SPSB4: variants seen among roughly 807,000 people sequenced by gnomAD.
SPSB4 encodes splA/ryanodine receptor domain and SOCS box containing 4, also known as SPRY domain-containing SOCS box protein 4.
SPSB4 carries 21 observed loss-of-function variants against 20.9 expected under a neutral mutation model. That is an observed-to-expected ratio of 1.01 (90% confidence interval 0.71 to 1.45). The LOEUF is 1.45. Ranked by LOEUF, SPSB4 falls within the 40% of genes most tolerant of loss-of-function variation. The pLI is 0.00. For missense variants in SPSB4, 399 were observed against 399.2 expected, an observed-to-expected ratio of 1.00 and a Z score of 0.00; for synonymous variants, 207 against 183.8, an observed-to-expected ratio of 1.13 and a Z score of -1.02.
At chr3:141,109,659 CT>C (rs1311809959) in intron 2 of SPSB4, among the ~76,000 whole-genome samples, 1 of 152,080 alleles carries the variant, frequency 6.6e-6, no homozygotes, top group Non-Finnish European at 1.5e-5. Context: ...TTCCCTTTCT[CT>C]CCCCTCTTCC....
At chr3:141,098,811 C>T (rs1375002591) in intron 2 of SPSB4, among the ~76,000 whole-genome samples, 1 of 152,118 alleles carries the variant, frequency 6.6e-6, no homozygotes, top group African/African-American at 2.4e-5. Context: ...TGTCTTAGTT[C>T]ATTTTCTGCT....
chr3:141,096,839 T>C (rs367736798), intron 2 of SPSB4, among the ~76,000 whole-genome samples: 2 of 152,316 alleles, frequency 1.3e-5, no homozygotes, highest in South Asian at 4.1e-4. Flanking sequence ...AAATTCACCA[T>C]ATGTCTCAAA....
rs143216641 is a variant in SPSB4, at chr3:141,136,173, C to T, written c.695-10969C>T. ...GAAGGGTCTGTTCATATCCTTTGCC[C>T]ACTTTTTGAAGGGTTTGTTTTTTTC... On this transcript the variant is annotated intron_variant, in intron 2 of 2. Coordinates refer to ENST00000310546, the MANE Select transcript of SPSB4 (RefSeq NM_080862.3). 5.2e-3 allele frequency among the ~76,000 whole-genome samples: 793 copies of T among 152,198 alleles called. 8 individuals carry two copies. Among genetic ancestry groups the T allele is most frequent in the African/African-American group, 0.018 (750 of 41,518 alleles).
At chr3:141,087,738 C>T (rs1472154439) in intron 2 of SPSB4, among the ~76,000 whole-genome samples, 1 of 152,152 alleles carries the variant, frequency 6.6e-6, no homozygotes, top group Non-Finnish European at 1.5e-5. Context: ...GCATTCCCCA[C>T]GTGCCCACCA....
rs73872045 is a variant in SPSB4 at position 141,090,901 on chromosome 3, A to C, written c.694+24103A>C. On this transcript the variant is annotated intron_variant, in intron 2 of 2. Coordinates refer to ENST00000310546, the MANE Select transcript of SPSB4 (RefSeq NM_080862.3). ...TGGTGGCTTGGCTCGGGATGGCAGCAGTGAAGATGGTGAGAAGTAGTTGGA... is the reference window on the plus strand; with the variant it reads ...TGGTGGCTTGGCTCGGGATGGCAGCCGTGAAGATGGTGAGAAGTAGTTGGA... 9.5e-3 allele frequency among the ~76,000 whole-genome samples: 1,454 copies of C among 152,338 alleles called. 21 individuals are homozygous for C. The highest frequency in any genetic ancestry group is 0.034 in the African/African-American group (1,405 of 41,584).
chr3:141,082,622 T>C (rs1324091332), intron 2 of SPSB4, among the ~76,000 whole-genome samples: 4 of 120,386 alleles, frequency 3.3e-5, no homozygotes, highest in Non-Finnish European at 5.0e-5. Context: ...CCAGGTGCTA[T>C]CTATCTATCT....
chr3:141,122,294 C>T (rs536783569), intron 2 of SPSB4, among the ~76,000 whole-genome samples: 2 of 152,250 alleles, frequency 1.3e-5, no homozygotes, highest in African/African-American at 2.4e-5. Context: ...CTGGGAGCTT[C>T]GTCCCAGAGG....
chr3:141,136,533 G>C (rs1338429388), intron 2 of SPSB4, among the ~76,000 whole-genome samples: 1 of 152,194 alleles, frequency 6.6e-6, no homozygotes, highest in African/African-American at 2.4e-5. Context: ...GCAAGGAAGG[G>C]ATCCAGTTTC....
chr3:141,052,566 G>T (rs1936112759), intron 1 of SPSB4, among the ~76,000 whole-genome samples: 1 of 152,142 alleles, frequency 6.6e-6, no homozygotes, highest in South Asian at 2.1e-4. Flanking sequence ...GGGTCTGTTC[G>T]TCCGGGGTAT....
chr3:141,053,731 C>T (rs1180028224), intron 1 of SPSB4, among the ~76,000 whole-genome samples: 1 of 151,192 alleles, frequency 6.6e-6, no homozygotes, highest in East Asian at 1.9e-4. Flanking sequence ...GTTAAAATTA[C>T]AAGATTTTTT....
intron 2 of SPSB4, among the ~76,000 whole-genome samples, chr3:141,106,217 C>T (rs548898293): frequency 6.6e-6 from 1 of 152,294 alleles, no homozygotes; most frequent in African/African-American, 2.4e-5. Context: ...CTTTATTGTC[C>T]TCCTATGTTG....
At chr3:141,106,494 A>G (rs1428560155) in intron 2 of SPSB4, among the ~76,000 whole-genome samples, 1 of 152,236 alleles carries the variant, frequency 6.6e-6, no homozygotes, top group East Asian at 1.9e-4. Context: ...TAGGGTATCC[A>G]TCAGGAATTA....
At chr3:141,082,763 G>A (rs1038102825) in intron 2 of SPSB4, among the ~76,000 whole-genome samples, 1 of 152,188 alleles carries the variant, frequency 6.6e-6, no homozygotes, top group African/African-American at 2.4e-5. Flanking sequence ...AGGTTTCAGG[G>A]CCAGAACTAG....
chr3:141,102,118 G>T (rs1938620646), intron 2 of SPSB4, among the ~76,000 whole-genome samples: 1 of 152,232 alleles, frequency 6.6e-6, no homozygotes, highest in African/African-American at 2.4e-5. Flanking sequence ...AAGCAATAAA[G>T]GTGTATCCAG....
intron 2 of SPSB4, among the ~76,000 whole-genome samples, chr3:141,114,044 C>T (rs1938847422): frequency 6.6e-6 from 1 of 152,190 alleles, no homozygotes; most frequent in Admixed American, 6.5e-5. Context: ...GTTAAGATCA[C>T]ACCACTGCAC....
rs945277702 is a variant in SPSB4, at chr3:141,066,389, C to G, written c.285C>G (p.Arg95=). ...DGIRGKVGHA[R]GLHAWQINWP... The stretch of plus-strand genomic sequence containing the variant: ...TCCGCGGCAAGGTGGGCCACGCCCG[C>G]GGCCTGCACGCCTGGCAGATCAACT... The change falls in exon 2 of 3, where the codon CGC becomes CGG. Residue 95 remains arginine, a synonymous_variant. Coordinates refer to ENST00000310546, the MANE Select transcript of SPSB4 (RefSeq NM_080862.3). The G allele has an allele frequency of 3.9e-6, 6 of 1,542,422 alleles. No homozygotes were observed. The highest frequency in any genetic ancestry group is 5.2e-6 in the Non-Finnish European group (6 of 1,145,546).
At position 141,066,500 on chromosome 3, in the gene SPSB4, G is replaced by A. The variant is rs771003195; in HGVS notation, c.396G>A (p.Leu132=). The part of the protein sequence containing the change: ...APLHSVGYTA[L]VGSDAESWGW... ...TGCACTCCGTGGGCTACACGGCGCTGGTAGGCAGTGACGCCGAGTCGTGGG... is the reference window on the plus strand; with the variant it reads ...TGCACTCCGTGGGCTACACGGCGCTAGTAGGCAGTGACGCCGAGTCGTGGG... The change falls in exon 2 of 3, where the codon CTG becomes CTA. Residue 132 remains leucine (L), a synonymous_variant. Coordinates refer to ENST00000310546, the MANE Select transcript of SPSB4 (RefSeq NM_080862.3). The A allele has an allele frequency of 1.3e-6, 2 of 1,503,198 alleles. No individual in the cohort carries two copies. Among genetic ancestry groups the A allele is most frequent in the African/African-American group, 1.4e-5 (1 of 72,804 alleles). The allele number at this position is 1,503,198 out of a possible 1,614,324, so 93.1% of individuals were successfully genotyped here.
intron 2 of SPSB4, among the ~76,000 whole-genome samples, chr3:141,077,954 C>T (rs541276092): frequency 6.6e-6 from 1 of 152,376 alleles, no homozygotes; most frequent in African/African-American, 2.4e-5. Flanking sequence ...CTGCCATGGT[C>T]TCCCCCCATC....
chr3:141,090,530 G>C (rs1206326544), intron 2 of SPSB4, among the ~76,000 whole-genome samples: 1 of 152,156 alleles, frequency 6.6e-6, no homozygotes, highest in Non-Finnish European at 1.5e-5. Flanking sequence ...GGGAGGGAGT[G>C]AGCTATGTGG....
Sources: allele counts gnomAD v4.1 joint callset (sites outside exome capture counted in the v4.1 genomes callset), GRCh38; gene constraint gnomAD v4.1.1; transcripts MANE v1.5; gene names NCBI Gene and HGNC (gene_info 2026-07-23, HGNC 2026-07-21).